ZRANB3: variants seen among roughly 807,000 people sequenced by gnomAD.
ZRANB3 encodes DNA annealing helicase and endonuclease ZRANB3.
ZRANB3 carries 125 observed loss-of-function variants against 133.8 expected under a neutral mutation model. That is an observed-to-expected ratio of 0.93 (90% CI 0.81 to 1.08). The LOEUF (loss-of-function observed/expected upper bound fraction) is 1.08. ZRANB3 is among the 50% of genes least tolerant of loss of function. The pLI, the probability that ZRANB3 is intolerant of heterozygous loss-of-function variation, is 0.00. For missense variants in ZRANB3, 1,229 were observed against 1,275.5 expected (o/e 0.96, Z 0.56); for synonymous variants, 387 against 432.7 (o/e 0.89, Z 1.31).
At chr2:135,333,655 A>G (rs139482024) in intron 6 of ZRANB3, among the ~76,000 whole-genome samples, 17 of 152,298 alleles carry the variant, frequency 1.1e-4, no homozygotes, top group African/African-American at 3.6e-4. Flanking sequence ...GGGGTCAATT[A>G]TTTAATGGGT....
intron 2 of ZRANB3, among the ~76,000 whole-genome samples, chr2:135,428,426 CAAAAA>C (rs34645774): frequency 2.7e-5 from 2 of 75,240 alleles, no homozygotes; most frequent in Non-Finnish European, 5.7e-5. Context: ...ACTTTGTTTC[CAAAAA>C]AAAAAAAAAA....
chr2:135,324,255 C>A (rs537899360), intron 6 of ZRANB3, among the ~76,000 whole-genome samples: 1 of 149,488 alleles, frequency 6.7e-6, no homozygotes, highest in Non-Finnish European at 1.5e-5. Context: ...CAACAGGCCC[C>A]GGTGTGTGAT....
At chr2:135,247,276 A>C (rs1238983363) in intron 12 of ZRANB3, among the ~76,000 whole-genome samples, 1 of 152,200 alleles carries the variant, frequency 6.6e-6, no homozygotes, top group Non-Finnish European at 1.5e-5. Flanking sequence ...TCTGTTTTCA[A>C]AGGAGACAGA....
At chr2:135,505,008 A>G (rs542807189) in intron 1 of ZRANB3, among the ~76,000 whole-genome samples, 2 of 152,162 alleles carry the variant, frequency 1.3e-5, no homozygotes, top group African/African-American at 4.8e-5. Flanking sequence ...TTAATGTAAT[A>G]TTATTAAATT....
intron 2 of ZRANB3, among the ~76,000 whole-genome samples, chr2:135,409,261 A>C (rs1312986054): frequency 6.6e-6 from 1 of 152,166 alleles, no homozygotes; most frequent in Non-Finnish European, 1.5e-5. Context: ...TGAATGATCC[A>C]CCCTCATGAT....
chr2:135,412,204 A>G (rs1688338038), intron 2 of ZRANB3, among the ~76,000 whole-genome samples: 2 of 152,172 alleles, frequency 1.3e-5, no homozygotes, highest in Non-Finnish European at 2.9e-5. Flanking sequence ...TTTAGCATAT[A>G]ATTCAATAAA....
At chr2:135,318,215 TGTG>T (rs1558913005) in intron 6 of ZRANB3, among the ~76,000 whole-genome samples, 17 of 31,084 alleles carry the variant, frequency 5.5e-4, no homozygotes. Flanking sequence ...CACTATTTTG[TGTG>T]TGTGTGTGTG....
chr2:135,422,637 A>G (rs1436852181), intron 2 of ZRANB3, among the ~76,000 whole-genome samples: 1 of 152,224 alleles, frequency 6.6e-6, no homozygotes, highest in African/African-American at 2.4e-5. Flanking sequence ...GGGACAGACC[A>G]GAAAAGCAAC....
intron 14 of ZRANB3, among the ~76,000 whole-genome samples, chr2:135,227,305 T>C (rs1469652962): frequency 1.3e-5 from 2 of 152,232 alleles, no homozygotes; most frequent in East Asian, 1.9e-4. Context: ...AAACACTGTA[T>C]GGTTGGCTAC....
chr2:135,396,758 GGT>G (rs1368438927), intron 2 of ZRANB3, among the ~76,000 whole-genome samples: 1 of 151,628 alleles, frequency 6.6e-6, no homozygotes, highest in Non-Finnish European at 1.5e-5. Flanking sequence ...AGCACAACGG[GGT>G]GACTATAGTC....
At chr2:135,328,900 G>A (rs529700819) in intron 6 of ZRANB3, among the ~76,000 whole-genome samples, 1 of 151,946 alleles carries the variant, frequency 6.6e-6, no homozygotes, top group East Asian at 1.9e-4. Context: ...GCCCACTTTT[G>A]GCTGGGGTTG....
chr2:135,377,876 AC>A (rs1349582089), intron 3 of ZRANB3, among the ~76,000 whole-genome samples: 20 of 152,356 alleles, frequency 1.3e-4, no homozygotes, highest in African/African-American at 4.8e-4. Context: ...AGGCAGACCT[AC>A]CCTTAATCTG....
intron 2 of ZRANB3, among the ~76,000 whole-genome samples, chr2:135,484,508 A>C (rs1321074559): frequency 6.6e-6 from 1 of 152,086 alleles, no homozygotes; most frequent in African/African-American, 2.4e-5. Context: ...CATGACATAA[A>C]TATGAATTAA....
At chr2:135,312,470 A>G (rs1282354904) in intron 8 of ZRANB3, among the ~76,000 whole-genome samples, 1 of 152,118 alleles carries the variant, frequency 6.6e-6, no homozygotes, top group Non-Finnish European at 1.5e-5. Context: ...GAGGGGTGAC[A>G]CTCGTCAGTA....
At chr2:135,311,490 C>T (rs7572378) in intron 8 of ZRANB3, among the ~76,000 whole-genome samples, 40,686 of 151,636 alleles carry the variant, frequency 0.27, 9,124 homozygotes, top group African/African-American at 0.6. Flanking sequence ...TATATGACTA[C>T]ACAAAGGCCT....
rs6725554 is a variant in ZRANB3, at chr2:135,479,061, A to G, written c.161+25268T>C. ...AGTTGTGCCAATTTCCCCTTCTAAC[A>G]ATAGTATAAGACAGTTAACACTGTT... On this transcript the variant is annotated intron_variant, in intron 2 of 20. Coordinates refer to ENST00000264159, the MANE Select transcript of ZRANB3 (RefSeq NM_032143.4). 4.4e-3 allele frequency among the ~76,000 whole-genome samples: 675 copies of G among 152,046 alleles called. 4 individuals are homozygous for G. The highest frequency in any genetic ancestry group is 0.016 in the African/African-American group (647 of 41,494).
chr2:135,359,738 C>T (rs1396331480), intron 3 of ZRANB3, among the ~76,000 whole-genome samples: 1 of 152,102 alleles, frequency 6.6e-6, no homozygotes, highest in African/African-American at 2.4e-5. Flanking sequence ...AGTTTTTGTC[C>T]AGCTATCTTT....
chr2:135,517,068 A>G (rs1693730397), intron 1 of ZRANB3, among the ~76,000 whole-genome samples: 1 of 151,526 alleles, frequency 6.6e-6, no homozygotes, highest in Non-Finnish European at 1.5e-5. Context: ...CAATTTGGCT[A>G]TTGATATTTG....
chr2:135,470,056 G>A (rs941108876), intron 2 of ZRANB3, among the ~76,000 whole-genome samples: 11 of 150,162 alleles, frequency 7.3e-5, no homozygotes, highest in African/African-American at 2.7e-4. Flanking sequence ...TGGGCACGGT[G>A]ATTCACGCCT....
Sources: allele counts gnomAD v4.1 joint callset (sites outside exome capture counted in the v4.1 genomes callset), GRCh38; gene constraint gnomAD v4.1.1; transcripts MANE v1.5; gene names NCBI Gene and HGNC (gene_info 2026-07-23, HGNC 2026-07-21).